The following STON1 variants were observed in gnomAD, a reference collection of about 807,000 sequenced individuals.
The protein encoded by STON1 is stonin 1, also known as stonin-1.
STON1 carries 79 observed loss-of-function variants against 60.9 expected under a neutral mutation model. That is an observed-to-expected ratio of 1.30 (90% CI 1.08 to 1.56). The LOEUF (loss-of-function observed/expected upper bound fraction) is 1.56, where lower values mean the gene tolerates loss of function less well. Among genes scored for constraint, STON1 ranks in the 40% most tolerant of loss-of-function variants. STON1 has a pLI of 0.00. For missense variants in STON1, 1,166 were observed against 858.9 expected, an observed-to-expected ratio of 1.36 and a Z score of -4.47; for synonymous variants, 363 against 306.9, an observed-to-expected ratio of 1.18 and a Z score of -1.91.
rs1672842219 is a variant in STON1, at chr2:48,564,606, CTCCTTCTCCTT to C, written c.-47-15980_-47-15970del. Among the ~76,000 whole-genome samples, 2 of 95,444 alleles carry C rather than the reference CTCCTTCTCCTT, an allele frequency of 2.1e-5. 1 individual carries two copies. The highest frequency in any genetic ancestry group is 4.5e-5 in the Non-Finnish European group (2 of 44,640). The allele number at this position is 95,444 out of a possible 152,430, so 62.6% of individuals were successfully genotyped here. On this transcript the variant is annotated intron_variant, in intron 1 of 3. Transcript: ENST00000404752. ...CCTCCTCCTCCTCCTCCTCCTCCTT[CTCCTTCTCCTT>C]CTCCTTCTCCTTCTCTTTCTCCTTC...
chr2:48,533,847 G>A (rs529571211), intron 1 of STON1, among the ~76,000 whole-genome samples: 1 of 144,836 alleles, frequency 6.9e-6, no homozygotes, highest in South Asian at 2.2e-4. Flanking sequence ...TCAGCTTATC[G>A]CAACCTCCAC....
intron 1 of STON1, among the ~76,000 whole-genome samples, chr2:48,552,517 C>T (rs1672146524): frequency 6.6e-6 from 1 of 152,138 alleles, no homozygotes; most frequent in Non-Finnish European, 1.5e-5. Flanking sequence ...AATCCCAGCA[C>T]TTTGGGAGGC....
Position 48,564,644 on chromosome 2 carries a change from C to CTTATTT in STON1, c.-47-15943_-47-15942insTTATTT, listed in dbSNP as rs1558606341. Among the ~76,000 whole-genome samples, 3 of 117,020 alleles carry CTTATTT rather than the reference C, an allele frequency of 2.6e-5. 1 individual carries two copies. Among genetic ancestry groups the CTTATTT allele is most frequent in the Admixed American group, 1.7e-4 (2 of 11,632 alleles). 76.8% of individuals were successfully genotyped at this position (117,020 alleles called of 152,430 possible). On this transcript the variant is annotated intron_variant, in intron 1 of 3. Transcript: ENST00000404752. ...TCCTTCTCCTTCTCTTTCTCCTTCTCCTTCTTCTTCTTCTTTCTTATTTCT... is the reference window on the plus strand; with the variant it reads ...TCCTTCTCCTTCTCTTTCTCCTTCTCTTATTTCTTCTTCTTCTTCTTTCTTATTTCT...
chr2:48,579,393 T>A (rs1280595326), intron 1 of STON1, among the ~76,000 whole-genome samples: 1 of 152,104 alleles, frequency 6.6e-6, no homozygotes, highest in East Asian at 1.9e-4. Flanking sequence ...TAAAGTTCCC[T>A]GTGAGTACTG....
At position 48,581,450 on chromosome 2, in the gene STON1, A is replaced by C; in HGVS notation, c.817A>C (p.Lys273Gln). 6.2e-7 allele frequency: 1 copy of C among 1,614,222 alleles called. No homozygotes were observed. Among genetic ancestry groups the C allele is most frequent in the Non-Finnish European group, 8.5e-7 (1 of 1,180,030 alleles). Reference protein sequence around the residue: ...VPHTLFRSQPKSGWSFMLRIP... With the variant: ...VPHTLFRSQPQSGWSFMLRIP... ...CCACACACTCTTCAGGAGTCAGCCA[A>C]AATCCGGATGGTCTTTCATGCTGAG... The change falls in exon 2 of 4, where the codon AAA (lysine) becomes CAA (glutamine). Residue 273 changes from lysine to glutamine, a missense_variant. Transcript: ENST00000404752.
At position 48,592,081 on chromosome 2, in the gene STON1, C is replaced by T. The variant is rs564312346; in HGVS notation, c.2133+226C>T. 9.2e-5 allele frequency among the ~76,000 whole-genome samples: 14 copies of T among 152,160 alleles called. No homozygotes were observed. In the South Asian group the frequency reaches 2.9e-3, roughly 32 times the overall value. On this transcript the variant is annotated intron_variant, in intron 3 of 3. Transcript: ENST00000404752. The stretch of plus-strand genomic sequence containing the variant: ...TAATAATTTAGCTCTCAATGAAAAA[C>T]AGGACATTAAAAATGAATCTACATT...
intron 1 of STON1, among the ~76,000 whole-genome samples, chr2:48,557,086 C>G (rs1672401080): frequency 9.3e-6 from 1 of 107,908 alleles, no homozygotes; most frequent in Admixed American, 8.9e-5. Context: ...CCCCCCCCAC[C>G]TCCCTCCCGG....
intron 1 of STON1, among the ~76,000 whole-genome samples, chr2:48,554,896 T>TG (rs1401118311): frequency 2.8e-5 from 2 of 70,468 alleles, no homozygotes; most frequent in African/African-American, 1.1e-4. Flanking sequence ...TTTGTGTCCC[T>TG]GATTACTTGA....
Position 48,586,460 on chromosome 2 carries a change from A to G in STON1, c.1930+3897A>G, listed in dbSNP as rs551439926. Among the ~76,000 whole-genome samples the G allele has an allele frequency of 3.3e-5, 5 of 152,334 alleles. 1 individual carries two copies. The highest frequency in any genetic ancestry group is 1.2e-4 in the African/African-American group (5 of 41,570). Reference sequence around the variant, plus strand: ...TGCATAGTTCCAGGCTTGGACAAACATATGCACTTAGGGATCCCAGAGGAA... The same window carrying G: ...TGCATAGTTCCAGGCTTGGACAAACGTATGCACTTAGGGATCCCAGAGGAA... On this transcript the variant is annotated intron_variant, in intron 2 of 3. Coordinates refer to ENST00000404752, the MANE Select transcript of STON1 (RefSeq NM_006873.4).
At chr2:48,578,333 C>T (rs1033255219) in intron 1 of STON1, among the ~76,000 whole-genome samples, 2 of 152,192 alleles carry the variant, frequency 1.3e-5, no homozygotes, top group African/African-American at 2.4e-5. Context: ...GCTTGTCCAA[C>T]GTGCAGCCCA....
At chr2:48,587,764 G>A (rs1167568108) in intron 2 of STON1, among the ~76,000 whole-genome samples, 1 of 152,218 alleles carries the variant, frequency 6.6e-6, no homozygotes, top group Non-Finnish European at 1.5e-5. Flanking sequence ...ATTACACAGT[G>A]ATAATTCACT....
intron 1 of STON1, 152 bp downstream of exon 1, chr2:48,530,368 G>A (rs923258498): frequency 5.9e-5 from 15 of 252,806 alleles, no homozygotes; most frequent in Non-Finnish European, 1.1e-4. Context: ...CCCCGCGCCC[G>A]CCCTGGCCGC....
intron 1 of STON1, among the ~76,000 whole-genome samples, chr2:48,551,667 C>T (rs886988480): frequency 3.3e-5 from 5 of 152,220 alleles, no homozygotes; most frequent in African/African-American, 9.6e-5. Context: ...GTTAGTCTCC[C>T]GCATTTTCCT....
chr2:48,535,902 C>G (rs946468381), intron 1 of STON1, among the ~76,000 whole-genome samples: 1 of 151,776 alleles, frequency 6.6e-6, no homozygotes, highest in African/African-American at 2.4e-5. Flanking sequence ...GCCTGGGCAA[C>G]AAGGATGAGA....
intron 1 of STON1, among the ~76,000 whole-genome samples, chr2:48,571,412 C>T (rs1192689786): frequency 6.6e-6 from 1 of 152,176 alleles, no homozygotes; most frequent in East Asian, 1.9e-4. Flanking sequence ...CTGTGGTCTG[C>T]TCTGGATTGT....
rs532134210 is a variant in STON1 at position 48,570,595 on chromosome 2, C to T, written c.-47-9992C>T. Among the ~76,000 whole-genome samples, 7 of 152,180 alleles carry T rather than the reference C, an allele frequency of 4.6e-5. No homozygotes were observed. The South Asian group carries it at 1.5e-3, about 32-fold the overall frequency. The stretch of plus-strand genomic sequence containing the variant: ...ACATATTGAGGTCTAAGGTTGCAAA[C>T]CATTGTATACTAGATCCTTGTTATT... On this transcript the variant is annotated intron_variant, in intron 1 of 3. Coordinates refer to ENST00000404752, the MANE Select transcript of STON1 (RefSeq NM_006873.4).
chr2:48,587,945 G>T (rs1208666064), intron 2 of STON1, among the ~76,000 whole-genome samples: 1 of 152,202 alleles, frequency 6.6e-6, no homozygotes, highest in Non-Finnish European at 1.5e-5. Context: ...CCTGCCCCAA[G>T]CTTCTCCGTT....
At chr2:48,546,092 C>G (rs1420104682) in intron 1 of STON1, among the ~76,000 whole-genome samples, 1 of 152,218 alleles carries the variant, frequency 6.6e-6, no homozygotes, top group Non-Finnish European at 1.5e-5. Flanking sequence ...TGAGTTCCTG[C>G]CATAGCCTCC....
In STON1 at chr2:48,567,483, C is replaced by G. The variant is rs956469450; in HGVS notation, c.-47-13104C>G. Among the ~76,000 whole-genome samples, 77 of 152,194 alleles carry G rather than the reference C, an allele frequency of 5.1e-4. 1 individual carries two copies. Among genetic ancestry groups the G allele is most frequent in the Non-Finnish European group, 2.9e-4 (20 of 68,050 alleles). On this transcript the variant is annotated intron_variant, in intron 1 of 3. Coordinates refer to ENST00000404752, the MANE Select transcript of STON1 (RefSeq NM_006873.4). ...CTGGAGTGCAATGGCGCGATCTTAGCTCACTGCAGTCTCCGCCTCCTGTGT... is the reference window on the plus strand; with the variant it reads ...CTGGAGTGCAATGGCGCGATCTTAGGTCACTGCAGTCTCCGCCTCCTGTGT...
Sources: allele counts gnomAD v4.1 joint callset (sites outside exome capture counted in the v4.1 genomes callset), GRCh38; gene constraint gnomAD v4.1.1; transcripts MANE v1.5; gene names NCBI Gene and HGNC (gene_info 2026-07-23, HGNC 2026-07-21).